The following PIP4K2B variants were observed in gnomAD, a reference collection of about 807,000 sequenced individuals.
The protein encoded by PIP4K2B is phosphatidylinositol 5-phosphate 4-kinase type-2 beta.
In PIP4K2B, 3 loss-of-function variants were observed where a neutral mutation model predicts 42.0. The observed-to-expected ratio is 0.07, with a 90% CI of 0.03 to 0.18. The LOEUF is 0.18. Ranked by LOEUF, PIP4K2B falls within the 10% of genes least tolerant of loss-of-function variation. PIP4K2B has a pLI of 1.00. For missense variants in PIP4K2B, 332 were observed against 562.3 expected (o/e 0.59, Z 4.14); for synonymous variants, 204 against 210.1 (o/e 0.97, Z 0.25).
chr17:38,783,983 C>T (rs886302289), intron 3 of PIP4K2B, among the ~76,000 whole-genome samples: 7 of 152,136 alleles, frequency 4.6e-5, no homozygotes, highest in African/African-American at 1.4e-4. Flanking sequence ...AAGGTGCTTC[C>T]GCAGACCCCT....
chr17:38,779,321 G>A (rs1909553578), intron 5 of PIP4K2B, 62 bp downstream of exon 5: 2 of 1,506,612 alleles, frequency 1.3e-6, no homozygotes, highest in Non-Finnish European at 1.8e-6. Context: ...AGTTGGAGTA[G>A]TGGCCCCTTC....
rs1228240770 is a variant in PIP4K2B, at chr17:38,766,536, C to CGCT, written c.*3152_*3154dup. On this transcript the variant is annotated 3_prime_UTR_variant, in exon 10 of 10. Transcript: ENST00000619039. ...CAGGAGTGTAGCCTCACGCCCTGAG[C>CGCT]GCTACCAGCAGGCCTGTTTGAGGCC... 6.5e-6 allele frequency: 1 copy of CGCT among 152,676 alleles called. No individual in the cohort carries two copies. The highest frequency in any genetic ancestry group is 1.5e-5 in the Non-Finnish European group (1 of 68,102). The allele number at this position is 152,676 out of a possible 1,614,324, so 9.5% of individuals were successfully genotyped here.
intron 7 of PIP4K2B, among the ~76,000 whole-genome samples, chr17:38,777,220 C>A (rs571289388): frequency 1.8e-4 from 27 of 152,220 alleles, no homozygotes; most frequent in African/African-American, 5.8e-4. Context: ...TGTGCCCCTA[C>A]GCCTGGCTAA....
At position 38,799,405 on chromosome 17, in the gene PIP4K2B, C is replaced by T; in HGVS notation, c.20G>A (p.Ser7Asn). The T allele has an allele frequency of 6.2e-7, 1 of 1,602,260 alleles. No homozygotes were observed. The highest frequency in any genetic ancestry group is 1.1e-5 in the South Asian group (1 of 90,384). MSSNCT[S>N]TTAVAVAPLS... ...CGGCGCCACCGCCACCGCCGTGGTG[C>T]TGGTGCAGTTGGACGACATGCCCGG... Residue 7 changes from serine to asparagine, a missense_variant, in exon 1 of 10, where the codon AGC becomes AAC. Physicochemically the swap from Ser to Asn is conservative, Grantham distance 46. Coordinates refer to ENST00000619039, the MANE Select transcript of PIP4K2B (RefSeq NM_003559.5). The surrounding 1 kb of genome is among the most constrained non-coding windows in gnomAD (Gnocchi z 4.4).
At chr17:38,770,330 T>C (rs1908941894) in intron 9 of PIP4K2B, 106 bp downstream of exon 9, 2 of 709,232 alleles carry the variant, frequency 2.8e-6, no homozygotes, top group Admixed American at 2.1e-5. Flanking sequence ...GAGACAGGAG[T>C]GTGTTCCTTG....
chr17:38,787,254 C>A (rs1050707046), intron 1 of PIP4K2B, among the ~76,000 whole-genome samples: 3 of 152,176 alleles, frequency 2.0e-5, no homozygotes, highest in African/African-American at 7.2e-5. Flanking sequence ...CTCAAGCAAT[C>A]CTCCAGACTT....
intron 1 of PIP4K2B, among the ~76,000 whole-genome samples, chr17:38,794,323 C>T (rs998314503): frequency 4.6e-5 from 7 of 150,658 alleles, no homozygotes; most frequent in Admixed American, 2.7e-4. Context: ...GGGCTGGGGG[C>T]GGGGGAAATG....
At chr17:38,787,090 C>T (rs112458443) in intron 1 of PIP4K2B, among the ~76,000 whole-genome samples, 170 bp from the exon 2 acceptor site, 3 of 152,178 alleles carry the variant, frequency 2.0e-5, no homozygotes, top group Admixed American at 6.5e-5. Flanking sequence ...GGCTGAAGTG[C>T]AGTGGCATGA....
chr17:38,770,635 G>A, intron 8 of PIP4K2B, 96 bp from the exon 9 acceptor site: 4 of 745,338 alleles, frequency 5.4e-6, no homozygotes. Flanking sequence ...ACAAGGCTCA[G>A]CTCCATCCTT....
At chr17:38,784,433 G>T in intron 2 of PIP4K2B, 94 bp from the exon 3 acceptor site, 1 of 718,378 alleles carries the variant, frequency 1.4e-6, no homozygotes, top group Non-Finnish European at 2.3e-6. Flanking sequence ...ACAGAGTCTT[G>T]CTATGTTGCC....
At chr17:38,770,895 G>A (rs1233500423) in intron 8 of PIP4K2B, 119 bp downstream of exon 8, 1 of 1,173,414 alleles carries the variant, frequency 8.5e-7, no homozygotes, top group Admixed American at 2.2e-5. Flanking sequence ...GGCAGAAAGA[G>A]GTCAAAGGCA....
intron 1 of PIP4K2B, among the ~76,000 whole-genome samples, chr17:38,789,238 A>G (rs1234848035): frequency 6.6e-6 from 1 of 152,246 alleles, no homozygotes; most frequent in Non-Finnish European, 1.5e-5. Flanking sequence ...TCTGACTTTC[A>G]TCCCTTCAGG....
At chr17:38,773,284 AG>A (rs1909148367) in intron 7 of PIP4K2B, among the ~76,000 whole-genome samples, 1 of 152,162 alleles carries the variant, frequency 6.6e-6, no homozygotes, top group Non-Finnish European at 1.5e-5. Context: ...AAAAAGGAAA[AG>A]GGAACACAAA....
chr17:38,777,860 A>G (rs2143369671), intron 6 of PIP4K2B, 60 bp from the exon 7 acceptor site: 1 of 1,224,650 alleles, frequency 8.2e-7, no homozygotes, highest in East Asian at 2.3e-5. Context: ...AGGGACACCC[A>G]ACTGTTCTGC....
At chr17:38,796,965 T>C (rs947080222) in intron 1 of PIP4K2B, among the ~76,000 whole-genome samples, 1 of 152,170 alleles carries the variant, frequency 6.6e-6, no homozygotes, top group African/African-American at 2.4e-5. Flanking sequence ...TCTAGGCAGA[T>C]GTCTCAGTTC....
intron 6 of PIP4K2B, among the ~76,000 whole-genome samples, 175 bp from the exon 7 acceptor site, chr17:38,777,975 C>T (rs1002867153): frequency 2.0e-5 from 3 of 152,090 alleles, no homozygotes; most frequent in African/African-American, 7.2e-5. Flanking sequence ...TTTGGGTGGG[C>T]AGGGAGGGCA....
At chr17:38,770,370 G>A in intron 9 of PIP4K2B, 66 bp downstream of exon 9, 1 of 907,026 alleles carries the variant, frequency 1.1e-6, no homozygotes, top group South Asian at 1.4e-5. Flanking sequence ...GCCCTCCCTG[G>A]GGTCTGAGGG....
intron 1 of PIP4K2B, among the ~76,000 whole-genome samples, chr17:38,793,673 C>T (rs1910463217): frequency 6.6e-6 from 1 of 152,138 alleles, no homozygotes; most frequent in African/African-American, 2.4e-5. Flanking sequence ...GATTTCGAGA[C>T]CAGCCTGGGC....
chr17:38,784,358 A>G lies in PIP4K2B; in HGVS notation c.258-19T>C. 1 of 1,445,542 alleles carries G rather than the reference A, an allele frequency of 6.9e-7. No homozygotes were observed. Among genetic ancestry groups the G allele is most frequent in the South Asian group, 1.1e-5 (1 of 87,512 alleles). 89.5% of individuals were successfully genotyped at this position (1,445,542 alleles called of 1,614,324 possible). A position where few individuals can be genotyped will look rare whatever the true frequency, so the allele number is the denominator to read the frequency against. On this transcript the variant is annotated intron_variant, in intron 2 of 9. Transcript: ENST00000619039. The stretch of plus-strand genomic sequence containing the variant: ...GTTCTCCCTAGGGAAAAGCAGAGAT[A>G]TGTCTTTGTGAACTGCCCCTTGCTC...
Sources: gnomAD v4.1 joint callset for allele counts (sites outside exome capture counted in the v4.1 genomes callset) on GRCh38, gnomAD v4.1.1 for gene constraint, Gnocchi (gnomAD v3.1) non-coding constraint, MANE v1.5 for transcripts, NCBI Gene and HGNC (gene_info 2026-07-23, HGNC 2026-07-21) for gene names.